The following CDH4 variants were observed in gnomAD, a reference collection of about 807,000 sequenced individuals.
CDH4 encodes the protein cadherin-4.
CDH4 carries 33 observed loss-of-function variants against 86.0 expected under a neutral mutation model. The ratio of observed to expected loss-of-function variants is 0.38; its 90% confidence interval spans 0.29 to 0.51. CDH4 has a LOEUF of 0.51. Ranked by LOEUF, CDH4 falls within the 20% of genes least tolerant of loss-of-function variation. The probability of loss-of-function intolerance (pLI) is 0.86; values close to 1 mark genes in which losing one functional copy is unlikely to be tolerated. For missense variants in CDH4, 1,114 were observed against 1,307.4 expected (o/e 0.85, Z 2.28); for synonymous variants, 555 against 549.4 (o/e 1.01, Z -0.14).
chr20:61,692,245 GTGTGTA>G (rs964632014), intron 2 of CDH4, among the ~76,000 whole-genome samples: 3 of 100,380 alleles, frequency 3.0e-5, no homozygotes, highest in Non-Finnish European at 7.6e-5. Context: ...GTATGTATGT[GTGTGTA>G]TGTGTGTGTC....
At chr20:61,351,627 A>G (rs906472994) in intron 2 of CDH4, among the ~76,000 whole-genome samples, 5 of 152,218 alleles carry the variant, frequency 3.3e-5, no homozygotes, top group African/African-American at 1.2e-4. Context: ...CACCGTAATC[A>G]TATCAGGGCA....
intron 2 of CDH4, among the ~76,000 whole-genome samples, chr20:61,688,302 CCCTCCTCCCACCTT>C (rs928265654): frequency 2.6e-5 from 4 of 152,090 alleles, no homozygotes; most frequent in African/African-American, 9.7e-5. Flanking sequence ...TTGTCTTTCT[CCCTCCTCCCACCTT>C]CCTCCTCCCT....
In CDH4 at chr20:61,252,537, CCTT is replaced by C. The variant is rs1233454968; in HGVS notation, c.27_29del (p.Leu12del). ...AGATGACCGCGGGCGCCGGCGTGCT[CCTT>C]CTGCTGCTCTCGCTCTCCGGCGCGC... On this transcript the variant is annotated inframe_deletion, in exon 1 of 16. Transcript: ENST00000614565. This position sits in a 1 kb window ranked among gnomAD's most constrained non-coding sequence, Gnocchi z 4.4. 7 of 1,200,302 alleles carry C rather than the reference CCTT, an allele frequency of 5.8e-6. No homozygotes were observed. The highest frequency in any genetic ancestry group is 7.2e-6 in the Non-Finnish European group (7 of 967,872). 74.4% of individuals were successfully genotyped at this position (1,200,302 alleles called of 1,614,324 possible).
intron 2 of CDH4, among the ~76,000 whole-genome samples, chr20:61,530,915 G>C (rs143490375): frequency 1.3e-5 from 2 of 152,306 alleles, no homozygotes; most frequent in Non-Finnish European, 2.9e-5. Context: ...GTGTTGGAAA[G>C]AATCAGCTGC....
intron 2 of CDH4, among the ~76,000 whole-genome samples, chr20:61,529,210 G>A (rs987215932): frequency 6.6e-6 from 1 of 152,134 alleles, no homozygotes; most frequent in Admixed American, 6.5e-5. Context: ...TAGATATCAG[G>A]AAGATAAATT....
At chr20:61,354,056 A>G (rs889510154) in intron 2 of CDH4, among the ~76,000 whole-genome samples, 1 of 151,976 alleles carries the variant, frequency 6.6e-6, no homozygotes, top group African/African-American at 2.4e-5. Context: ...GTGGTTTTCA[A>G]CGAGGGGTGA....
At chr20:61,473,806 CACAG>C (rs911821574) in intron 2 of CDH4, among the ~76,000 whole-genome samples, 2 of 151,990 alleles carry the variant, frequency 1.3e-5, no homozygotes, top group Admixed American at 6.6e-5. Flanking sequence ...CACAGACGCA[CACAG>C]ACACTCAGAC....
chr20:61,649,641 G>A (rs1003544407), intron 2 of CDH4, among the ~76,000 whole-genome samples: 6 of 152,172 alleles, frequency 3.9e-5, no homozygotes, highest in Admixed American at 2.6e-4. Flanking sequence ...TGCCGGGAGC[G>A]CGCGTGGCTG....
chr20:61,607,887 G>A (rs1443567373), intron 2 of CDH4, among the ~76,000 whole-genome samples: 2 of 152,196 alleles, frequency 1.3e-5, no homozygotes, highest in South Asian at 4.1e-4. Flanking sequence ...ACCTGAGCCT[G>A]CCAGGCTTTG....
intron 4 of CDH4, among the ~76,000 whole-genome samples, chr20:61,818,704 A>AG (rs1446031562): frequency 6.6e-6 from 1 of 151,298 alleles, no homozygotes; most frequent in African/African-American, 2.4e-5. Flanking sequence ...AAAAAAAAAA[A>AG]AGCGGGAAGT....
In CDH4 at chr20:61,565,237, TGGTGGC is replaced by T. The variant is rs1392697718; in HGVS notation, c.170-178321_170-178316del. On this transcript the variant is annotated intron_variant, in intron 2 of 15. Coordinates refer to ENST00000614565, the MANE Select transcript of CDH4 (RefSeq NM_001794.5). ...TCTCGGTGGTAGGTGGTGGTGGTGG[TGGTGGC>T]GGTGCTCTTGGTGATGGTGGTGGTG... Among the ~76,000 whole-genome samples, 28 of 65,864 alleles carry T rather than the reference TGGTGGC, an allele frequency of 4.3e-4. 6 individuals are homozygous for T. In the South Asian group the frequency reaches 9.3e-3, roughly 22 times the overall value. The allele number at this position is 65,864 out of a possible 152,430, so 43.2% of individuals were successfully genotyped here. A position where few individuals can be genotyped will look rare whatever the true frequency, so the allele number is the denominator to read the frequency against.
intron 2 of CDH4, among the ~76,000 whole-genome samples, chr20:61,330,459 A>G (rs2084566387): frequency 6.6e-6 from 1 of 152,210 alleles, no homozygotes; most frequent in African/African-American, 2.4e-5. Context: ...CATTTCTCTA[A>G]TGATCAGTGA....
chr20:61,838,822 TAAAA>T (rs11412264), intron 4 of CDH4, among the ~76,000 whole-genome samples: 3 of 123,480 alleles, frequency 2.4e-5, no homozygotes, highest in South Asian at 2.6e-4. Context: ...AGACCCTGTC[TAAAA>T]AAAAAAAAAA....
chr20:61,385,297 C>T (rs6061268), intron 2 of CDH4, among the ~76,000 whole-genome samples: 37,452 of 152,000 alleles, frequency 0.25, 5,006 homozygotes, highest in African/African-American at 0.34. Flanking sequence ...CCTACAAGAC[C>T]ATCCACCTGG....
chr20:61,618,535 G>T (rs1206770202), intron 2 of CDH4, among the ~76,000 whole-genome samples: 1 of 152,176 alleles, frequency 6.6e-6, no homozygotes, highest in Non-Finnish European at 1.5e-5. Flanking sequence ...GCCTGGGAAT[G>T]GGACCCCGGC....
intron 2 of CDH4, chr20:61,599,895 C>G: frequency 2.0e-6 from 2 of 985,510 alleles, no homozygotes; most frequent in Non-Finnish European, 2.4e-6. Context: ...CGTGCACTCA[C>G]AGCTTGGAAA....
chr20:61,677,912 TA>T (rs1267498307), intron 2 of CDH4, among the ~76,000 whole-genome samples: 22 of 151,654 alleles, frequency 1.5e-4, no homozygotes, highest in African/African-American at 4.8e-4. Context: ...TGATAGGTGA[TA>T]GATACATTAG....
chr20:61,810,508 G>A lies in CDH4; in HGVS notation c.577-34160G>A, dbSNP rs80267211. On this transcript the variant is annotated intron_variant, in intron 4 of 15. Transcript: ENST00000614565. The surrounding 1 kb of genome is among the most constrained non-coding windows in gnomAD (Gnocchi z 4.3). The stretch of plus-strand genomic sequence containing the variant: ...CCGCAGTGGGAAGGAGCAAGGGAGC[G>A]TGTACGGGAACCAGAATCAGGGAGC... 2.0e-4 allele frequency among the ~76,000 whole-genome samples: 31 copies of A among 152,230 alleles called. No individual in the cohort carries two copies. The highest frequency in any genetic ancestry group is 4.1e-4 in the African/African-American group (17 of 41,522).
rs184921638 is a variant in CDH4 at position 61,476,727 on chromosome 20, C to T, written c.169+221790C>T. Among the ~76,000 whole-genome samples, 317 of 152,348 alleles carry T rather than the reference C, an allele frequency of 2.1e-3. 14 individuals are homozygous for T. In the South Asian group the frequency reaches 0.057, roughly 28 times the overall value. ...GTGATTTTCACACTATTACCTTTAT[C>T]GCTGTAAACTTTTCTCAAGCAAAAC... On this transcript the variant is annotated intron_variant, in intron 2 of 15. Transcript: ENST00000614565.
Sources: allele counts gnomAD v4.1 joint callset (sites outside exome capture counted in the v4.1 genomes callset), GRCh38; gene constraint gnomAD v4.1.1; non-coding constraint Gnocchi (gnomAD v3.1); transcripts MANE v1.5; gene names NCBI Gene and HGNC (gene_info 2026-07-23, HGNC 2026-07-21).